Variants in SCIN observed in about 807,000 individuals in gnomAD.
SCIN encodes the protein scinderin.
Under a neutral mutation model 91.8 loss-of-function variants are expected in SCIN, and 91 were observed. That is an observed-to-expected ratio of 0.99 (90% CI 0.84 to 1.18). The LOEUF is 1.18. SCIN is among the 50% of genes most tolerant of loss of function. The probability of loss-of-function intolerance (pLI) is 0.00; values close to 1 mark genes in which losing one functional copy is unlikely to be tolerated. For synonymous variants in SCIN, 367 were observed against 312.6 expected (o/e 1.17, Z -1.84); for missense variants, 1,087 against 863.9 (o/e 1.26, Z -3.24).
At chr7:12,602,584 G>C (rs1351329416) in intron 3 of SCIN, among the ~76,000 whole-genome samples, 1 of 152,092 alleles carries the variant, frequency 6.6e-6, no homozygotes, top group Non-Finnish European at 1.5e-5. Flanking sequence ...GCCGTTTATA[G>C]ATCTCCCCCA....
At chr7:12,642,149 AT>A (rs1783870705) in intron 11 of SCIN, among the ~76,000 whole-genome samples, 1 of 152,024 alleles carries the variant, frequency 6.6e-6, no homozygotes, top group South Asian at 2.1e-4. Flanking sequence ...TAAATAATTT[AT>A]TAAATGTTTA....
At chr7:12,625,675 T>A in intron 6 of SCIN, 87 bp from the exon 7 acceptor site, 1 of 979,624 alleles carries the variant, frequency 1.0e-6, no homozygotes, top group Non-Finnish European at 1.5e-6. Flanking sequence ...ATTATAATCA[T>A]GTTTATTATG....
chr7:12,574,194 A>C (rs1782323962), intron 1 of SCIN, among the ~76,000 whole-genome samples: 1 of 152,184 alleles, frequency 6.6e-6, no homozygotes, highest in Admixed American at 6.5e-5. Flanking sequence ...ATCTGTACCA[A>C]CTAATACTAC....
chr7:12,573,020 A>G (rs1187631369), intron 1 of SCIN, among the ~76,000 whole-genome samples: 17 of 152,148 alleles, frequency 1.1e-4, no homozygotes, highest in Admixed American at 6.5e-5. Context: ...AAAAAAAATG[A>G]GAGTACTTGG....
At chr7:12,571,973 C>T (rs1441045361) in intron 1 of SCIN, among the ~76,000 whole-genome samples, 1 of 152,156 alleles carries the variant, frequency 6.6e-6, no homozygotes, top group Non-Finnish European at 1.5e-5. Flanking sequence ...AGCTAGCCTG[C>T]CCAGTACTCG....
At chr7:12,603,232 C>T (rs1782995804) in intron 3 of SCIN, among the ~76,000 whole-genome samples, 1 of 152,046 alleles carries the variant, frequency 6.6e-6, no homozygotes, top group Non-Finnish European at 1.5e-5. Context: ...GCAAGCTTTG[C>T]CTCCCGGGTT....
chr7:12,627,960 C>A (rs1220912250), intron 8 of SCIN, among the ~76,000 whole-genome samples: 4 of 152,056 alleles, frequency 2.6e-5, no homozygotes, highest in African/African-American at 9.7e-5. Flanking sequence ...TGTTCCTGTC[C>A]ACTTGCTTAT....
intron 4 of SCIN, among the ~76,000 whole-genome samples, chr7:12,606,159 T>C (rs1583294962): frequency 1.3e-5 from 2 of 152,246 alleles, no homozygotes; most frequent in South Asian, 4.1e-4. Flanking sequence ...CACCAGTTGC[T>C]ACTTCCTTGT....
rs554395545 is a variant in SCIN, at chr7:12,659,497, T to C, written c.*6782T>C. On this transcript the variant is annotated 3_prime_UTR_variant, in exon 16 of 16. Transcript: ENST00000297029. ...CTTCCAAACATGTGCCATTTTGGCA[T>C]GGATATCTAAAGCCACCATGATGGC... The C allele has an allele frequency of 6.6e-6, 1 of 152,294 alleles. No homozygotes were observed. Among genetic ancestry groups the C allele is most frequent in the Non-Finnish European group, 1.5e-5 (1 of 68,026 alleles). 9.4% of individuals were successfully genotyped at this position (152,294 alleles called of 1,614,324 possible).
chr7:12,643,885 A>G (rs1243371931), intron 11 of SCIN, among the ~76,000 whole-genome samples: 1 of 152,200 alleles, frequency 6.6e-6, no homozygotes, highest in Non-Finnish European at 1.5e-5. Flanking sequence ...GTGACATAGT[A>G]GCACAGTCAT....
intron 9 of SCIN, among the ~76,000 whole-genome samples, chr7:12,633,254 GA>G (rs1783682626): frequency 6.6e-6 from 1 of 152,122 alleles, no homozygotes; most frequent in South Asian, 2.1e-4. Context: ...TATTTTATCT[GA>G]AATAACAGGT....
chr7:12,601,061 C>G (rs947783113), intron 3 of SCIN, among the ~76,000 whole-genome samples: 1 of 152,128 alleles, frequency 6.6e-6, no homozygotes, highest in East Asian at 1.9e-4. Flanking sequence ...ACCCTTTGAC[C>G]ATACTAAATA....
At chr7:12,652,032 A>G in intron 15 of SCIN, 131 bp downstream of exon 15, 2 of 605,820 alleles carry the variant, frequency 3.3e-6, no homozygotes, top group Middle Eastern at 2.6e-4. Flanking sequence ...ATTCCTCCTC[A>G]AAACTAAAGA....
intron 6 of SCIN, 87 bp downstream of exon 6, chr7:12,625,229 A>G (rs750884783): frequency 5.0e-5 from 61 of 1,227,908 alleles, no homozygotes; most frequent in Non-Finnish European, 6.0e-5. Context: ...TTGATTTTAA[A>G]AAAAAGCCCA....
chr7:12,643,038 A>G (rs1783887917), intron 11 of SCIN, among the ~76,000 whole-genome samples: 1 of 152,218 alleles, frequency 6.6e-6, no homozygotes, highest in Non-Finnish European at 1.5e-5. Context: ...TACATTATCT[A>G]CGGGCATTCT....
rs71030521 is a variant in SCIN, at chr7:12,657,572, A to AT, written c.*4883dup. The AT allele has an allele frequency of 1.9e-3, 42 of 22,084 alleles. 1 individual carries two copies. The highest frequency in any genetic ancestry group is 7.9e-3 in the East Asian group (2 of 252). 1.4% of individuals were successfully genotyped at this position (22,084 alleles called of 1,614,324 possible). The stretch of plus-strand genomic sequence containing the variant: ...TATATATATATATATATATATATAT[A>AT]TTTTTTTTTTTTTTTTTTTTTTTTT... On this transcript the variant is annotated 3_prime_UTR_variant, in exon 16 of 16. Transcript: ENST00000297029.
chr7:12,578,909 G>GTTTTTCTTTTTTTTT (rs1782428920), intron 2 of SCIN, among the ~76,000 whole-genome samples: 1 of 85,898 alleles, frequency 1.2e-5, no homozygotes, highest in Non-Finnish European at 2.3e-5. Context: ...TATAGGACAG[G>GTTTTTCTTTTTTTTT]TTTTTTTTTT....
chr7:12,587,504 C>T (rs1196538552), intron 3 of SCIN, among the ~76,000 whole-genome samples: 1 of 152,206 alleles, frequency 6.6e-6, no homozygotes, highest in Non-Finnish European at 1.5e-5. Context: ...ATATCCATAG[C>T]CTCATTTTAG....
intron 3 of SCIN, among the ~76,000 whole-genome samples, chr7:12,594,003 G>A (rs564336707): frequency 5.9e-5 from 9 of 152,322 alleles, no homozygotes; most frequent in South Asian, 2.1e-4. Context: ...GACCCGAGAC[G>A]TTCTTCAATC....
Sources: allele counts gnomAD v4.1 joint callset (sites outside exome capture counted in the v4.1 genomes callset), GRCh38; gene constraint gnomAD v4.1.1; transcripts MANE v1.5; gene names NCBI Gene and HGNC (gene_info 2026-07-23, HGNC 2026-07-21).